Variants in TSTD2 observed in about 807,000 individuals in gnomAD.
TSTD2 encodes the protein thiosulfate sulfurtransferase like domain containing 2, also known as thiosulfate sulfurtransferase/rhodanese-like domain-containing protein 2.
Under a neutral mutation model 47.9 loss-of-function variants are expected in TSTD2, and 37 were observed. The ratio of observed to expected loss-of-function variants is 0.77; its 90% CI spans 0.59 to 1.02. The LOEUF (loss-of-function observed/expected upper bound fraction) is 1.02. Among genes scored for constraint, TSTD2 ranks in the 50% least tolerant of loss-of-function variants. The pLI is 0.00. For synonymous variants in TSTD2, 201 were observed against 215.9 expected (o/e 0.93, Z 0.61); for missense variants, 586 against 616.0 (o/e 0.95, Z 0.52).
At position 97,602,360 on chromosome 9, in the gene TSTD2, G is replaced by T; in HGVS notation, c.*109C>A. 1 of 1,351,752 alleles carries T rather than the reference G, an allele frequency of 7.4e-7. No individual in the cohort carries two copies. The allele number at this position is 1,351,752 out of a possible 1,614,324, so 83.7% of individuals were successfully genotyped here. A position where few individuals can be genotyped will look rare whatever the true frequency, so the allele number is the denominator to read the frequency against. On this transcript the variant is annotated 3_prime_UTR_variant, in exon 10 of 10. Coordinates refer to ENST00000341170, the MANE Select transcript of TSTD2 (RefSeq NM_139246.5). Reference sequence around the variant, plus strand: ...ACGGCTGCCACGGTGGCAGCGGCCAGAACTGAAGTTCCCGATTTCTCTGTT... The same window carrying T: ...ACGGCTGCCACGGTGGCAGCGGCCATAACTGAAGTTCCCGATTTCTCTGTT...
At chr9:97,608,594 C>T (rs1008434576) in intron 6 of TSTD2, among the ~76,000 whole-genome samples, 33 of 152,300 alleles carry the variant, frequency 2.2e-4, no homozygotes, top group East Asian at 7.7e-4. Flanking sequence ...TGAAATCACG[C>T]CACTGCACTC....
intron 3 of TSTD2, among the ~76,000 whole-genome samples, chr9:97,622,580 T>C (rs1335133838): frequency 6.6e-6 from 1 of 152,168 alleles, no homozygotes; most frequent in East Asian, 1.9e-4. Context: ...CACTGAGAGC[T>C]TGCACCGTGT....
At chr9:97,626,136 G>C (rs1826716667) in intron 2 of TSTD2, 139 bp from the exon 3 acceptor site, 3 of 821,882 alleles carry the variant, frequency 3.7e-6, no homozygotes, top group African/African-American at 1.7e-5. Context: ...AATTCTCTGA[G>C]AAGTAACACT....
At position 97,625,936 on chromosome 9, in the gene TSTD2, T is replaced by G. The variant is rs1826713648; in HGVS notation, c.227A>C (p.Glu76Ala). 3 of 1,613,972 alleles carry G rather than the reference T, an allele frequency of 1.9e-6. No homozygotes were observed. The highest frequency in any genetic ancestry group is 2.5e-6 in the Non-Finnish European group (3 of 1,179,940). ...VPTKRSFECK[E>A]KLWKCCRQLF... is the part of the protein sequence containing the mutation. Reference sequence around the variant, plus strand: ...CTGCCGACAGCATTTCCACAATTTTTCTTTACATTCAAAACTCCTTTTTGT... The same window carrying G: ...CTGCCGACAGCATTTCCACAATTTTGCTTTACATTCAAAACTCCTTTTTGT... Residue 76 changes from glutamate to alanine, a missense_variant, in exon 3 of 10, where the codon GAA becomes GCA. Coordinates refer to ENST00000341170, the MANE Select transcript of TSTD2 (RefSeq NM_139246.5).
At position 97,601,400 on chromosome 9, in the gene TSTD2, G is replaced by A. The variant is rs1020382599; in HGVS notation, c.*1069C>T. 2.9e-6 allele frequency: 3 copies of A among 1,039,968 alleles called. No homozygotes were observed. Among genetic ancestry groups the A allele is most frequent in the Non-Finnish European group, 3.5e-6 (3 of 861,172 alleles). The allele number at this position is 1,039,968 out of a possible 1,614,324, so 64.4% of individuals were successfully genotyped here. On this transcript the variant is annotated 3_prime_UTR_variant, in exon 10 of 10. Transcript: ENST00000341170. ...TCCAGGTGCTGATCTAAAAACTGTG[G>A]CTCAAATGTCACCGAGCTTATATGA...
At chr9:97,632,766 G>C (rs1293664379) in intron 1 of TSTD2, among the ~76,000 whole-genome samples, 1 of 152,190 alleles carries the variant, frequency 6.6e-6, no homozygotes, top group Non-Finnish European at 1.5e-5. Flanking sequence ...AGGGTTTACA[G>C]ATAATTGTTA....
intron 6 of TSTD2, among the ~76,000 whole-genome samples, chr9:97,607,288 T>G (rs1252080528): frequency 6.6e-6 from 1 of 152,192 alleles, no homozygotes. Flanking sequence ...CTCAGTAGAT[T>G]GTGAGGAACT....
At chr9:97,624,107 G>A (rs1421832856) in intron 3 of TSTD2, among the ~76,000 whole-genome samples, 1 of 152,168 alleles carries the variant, frequency 6.6e-6, no homozygotes, top group Non-Finnish European at 1.5e-5. Flanking sequence ...CAGCCTCCAA[G>A]ATGATCCCTG....
Position 97,610,443 on chromosome 9 carries a change from T to C in TSTD2, c.738A>G (p.Lys246=), listed in dbSNP as rs1454628924. The C allele has an allele frequency of 6.4e-7, 1 of 1,572,124 alleles. No homozygotes were observed. Among genetic ancestry groups the C allele is most frequent in the Non-Finnish European group, 8.6e-7 (1 of 1,161,448 alleles). ...ATTCTGGAAAACAGTGAGCTCCTCC[T>C]TTGCTGGTCTAGCCAATGAGAAACA... ...DLCKDDFKTS[K]GGAHCFPELR... The change falls in exon 6 of 10, where the codon AAA becomes AAG. Residue 246 remains lysine, a synonymous_variant. Coordinates refer to ENST00000341170, the MANE Select transcript of TSTD2 (RefSeq NM_139246.5).
intron 3 of TSTD2, among the ~76,000 whole-genome samples, chr9:97,622,199 G>A (rs1826650567): frequency 6.6e-6 from 1 of 152,206 alleles, no homozygotes; most frequent in East Asian, 1.9e-4. Flanking sequence ...GCAGTCTAGG[G>A]ACTTGGTGCC....
At chr9:97,610,500 A>C (rs1233276015) in intron 5 of TSTD2, 49 bp from the exon 6 acceptor site, 9 of 1,374,972 alleles carry the variant, frequency 6.5e-6, no homozygotes, top group Non-Finnish European at 5.9e-6. Context: ...TCCCATCTCC[A>C]GGTATAAGAC....
At chr9:97,616,182 G>T (rs932894287) in intron 4 of TSTD2, among the ~76,000 whole-genome samples, 6 of 152,102 alleles carry the variant, frequency 3.9e-5, no homozygotes, top group African/African-American at 1.4e-4. Context: ...TTGTAAGAAG[G>T]CCCAAGGAGA....
rs146891886 is a variant in TSTD2 at position 97,601,739 on chromosome 9, T to C, written c.*730A>G. On this transcript the variant is annotated 3_prime_UTR_variant, in exon 10 of 10. Transcript: ENST00000341170. ...GTTCAATAAACTATACAGTTGACCC[T>C]TGAACAATATGGGTTTGAACTGCAT... is the stretch of plus-strand genomic sequence containing the variant. 6.0e-3 allele frequency: 1,438 copies of C among 237,836 alleles called. 64 individuals carry two copies. In the Admixed American group the frequency reaches 0.076, roughly 13 times the overall value. The allele number at this position is 237,836 out of a possible 1,614,324, so 14.7% of individuals were successfully genotyped here.
At chr9:97,610,609 A>G (rs774490693) in intron 5 of TSTD2, among the ~76,000 whole-genome samples, 158 bp from the exon 6 acceptor site, 1 of 152,258 alleles carries the variant, frequency 6.6e-6, no homozygotes, top group Non-Finnish European at 1.5e-5. Flanking sequence ...ATAATTCAAC[A>G]TTGATAAATA....
chr9:97,625,743 A>G lies in TSTD2; in HGVS notation c.420T>C (p.His140=). ...EKNPLKECLP[H]SHDVSAWLPD... is the part of the protein sequence containing the mutation. ...GGAGCCAAGCAGACACGTCATGGCT[A>G]TGTGGAAGGCACTCTTTTAAAGGGT... The change falls in exon 3 of 10, where the codon CAT becomes CAC. Residue 140 remains histidine, a synonymous_variant. Coordinates refer to ENST00000341170, the MANE Select transcript of TSTD2 (RefSeq NM_139246.5). 6.2e-7 allele frequency: 1 copy of G among 1,614,166 alleles called. No individual in the cohort carries two copies. Among genetic ancestry groups the G allele is most frequent in the Non-Finnish European group, 8.5e-7 (1 of 1,179,986 alleles).
intron 3 of TSTD2, among the ~76,000 whole-genome samples, chr9:97,619,795 T>G (rs1826601557): frequency 6.6e-6 from 1 of 152,172 alleles, no homozygotes; most frequent in African/African-American, 2.4e-5. Context: ...TTGGGGGAGT[T>G]AAAAGTTATA....
Position 97,633,286 on chromosome 9 carries a change from TC to T in TSTD2, c.-95del, listed in dbSNP as rs1564013181. 1.1e-5 allele frequency: 3 copies of T among 261,830 alleles called. No homozygotes were observed. Among genetic ancestry groups the T allele is most frequent in the Non-Finnish European group, 2.1e-5 (3 of 139,552 alleles). The allele number at this position is 261,830 out of a possible 1,614,324, so 16.2% of individuals were successfully genotyped here. A position where few individuals can be genotyped will look rare whatever the true frequency, so the allele number is the denominator to read the frequency against. ...TCTAAGGTCTCTCTTCCCTGCACTG[TC>T]TCCGCCTAGCAATTGTCACTGCTCA... On this transcript the variant is annotated 5_prime_UTR_variant, in exon 1 of 10. Transcript: ENST00000341170.
Position 97,627,407 on chromosome 9 carries a change from TGCAAACG to T in TSTD2, c.149_155del (p.Ser50Ter). The T allele has an allele frequency of 6.3e-7, 1 of 1,598,226 alleles. No homozygotes were observed. Reference sequence around the variant, plus strand: ...TTCATAAGAATTCTACCTTTTTCTTTGCAAACGAGTATTTCTTTTTTGTACTGCCATC... The same window carrying T: ...TTCATAAGAATTCTACCTTTTTCTTTAGTATTTCTTTTTTGTACTGCCATC... On this transcript the variant is annotated frameshift_variant, in exon 2 of 10. Transcript: ENST00000341170. LOFTEE classifies it high-confidence loss of function.
At position 97,605,609 on chromosome 9, in the gene TSTD2, G is replaced by A; in HGVS notation, c.987C>T (p.Ile329=). Residue 329 remains isoleucine, a synonymous_variant, in exon 8 of 10, where the codon ATC becomes ATT. Coordinates refer to ENST00000341170, the MANE Select transcript of TSTD2 (RefSeq NM_139246.5). The stretch of plus-strand genomic sequence containing the variant: ...AGCTAGGGAAGTAACTGAATTTCCT[G>A]ATGTCTGGGGCTAAGCAGCCTTGGA... ...GRFQGCLAPD[I]RKFSYFPSYV... 6.2e-7 allele frequency: 1 copy of A among 1,614,224 alleles called. No individual in the cohort carries two copies. The highest frequency in any genetic ancestry group is 8.5e-7 in the Non-Finnish European group (1 of 1,180,042).
Sources: gnomAD v4.1 joint callset for allele counts (sites outside exome capture counted in the v4.1 genomes callset) on GRCh38, gnomAD v4.1.1 for gene constraint, MANE v1.5 for transcripts, NCBI Gene and HGNC (gene_info 2026-07-23, HGNC 2026-07-21) for gene names.